RHOBTB1: variants seen among roughly 807,000 people sequenced by gnomAD.
RHOBTB1 encodes the protein rho-related BTB domain-containing protein 1.
RHOBTB1 carries 40 observed loss-of-function variants against 71.6 expected under a neutral mutation model. The ratio of observed to expected loss-of-function variants is 0.56; its 90% CI spans 0.43 to 0.73. RHOBTB1 has a LOEUF of 0.73. Ranked by LOEUF, RHOBTB1 falls within the 30% of genes least tolerant of loss-of-function variation. The probability of loss-of-function intolerance (pLI) is 0.00; values close to 1 mark genes in which losing one functional copy is unlikely to be tolerated. For missense variants in RHOBTB1, 797 were observed against 894.0 expected (o/e 0.89, Z 1.38); for synonymous variants, 319 against 334.9 (o/e 0.95, Z 0.52).
At chr10:60,970,962 G>A (rs564980677) in intron 2 of RHOBTB1, among the ~76,000 whole-genome samples, 9 of 151,850 alleles carry the variant, frequency 5.9e-5, no homozygotes, top group East Asian at 5.8e-4. Flanking sequence ...TTTTTATTTC[G>A]GTAAAACTTC....
intron 1 of RHOBTB1, among the ~76,000 whole-genome samples, chr10:60,993,342 C>T (rs556631497): frequency 6.6e-6 from 1 of 152,282 alleles, no homozygotes; most frequent in South Asian, 2.1e-4. Context: ...TACAAGGGCA[C>T]ATGCCAAAAA....
chr10:60,911,655 T>A, intron 2 of RHOBTB1, 103 bp from the exon 3 acceptor site: 2 of 869,466 alleles, frequency 2.3e-6, no homozygotes, highest in Non-Finnish European at 3.7e-6. Context: ...AGCCACTTCC[T>A]TGGAGGTGCA....
At chr10:60,910,654 C>T (rs1405863513) in intron 4 of RHOBTB1, among the ~76,000 whole-genome samples, 2 of 152,222 alleles carry the variant, frequency 1.3e-5, no homozygotes, top group East Asian at 1.9e-4. Flanking sequence ...AACCTTCCAG[C>T]TTGACCACTG....
intron 2 of RHOBTB1, among the ~76,000 whole-genome samples, chr10:60,980,332 G>A (rs530427498): frequency 1.3e-5 from 2 of 152,106 alleles, no homozygotes; most frequent in East Asian, 3.9e-4. Flanking sequence ...TGGACCAATT[G>A]GTAAGTTGAA....
At chr10:60,955,042 T>TC (rs2085538811) in intron 2 of RHOBTB1, among the ~76,000 whole-genome samples, 1 of 138,658 alleles carries the variant, frequency 7.2e-6, no homozygotes, top group Non-Finnish European at 1.6e-5. Context: ...TTTCTTTCTT[T>TC]CTTTTTTTTT....
intron 4 of RHOBTB1, among the ~76,000 whole-genome samples, chr10:60,900,345 C>T (rs962635380): frequency 5.3e-5 from 8 of 152,140 alleles, no homozygotes; most frequent in Non-Finnish European, 1.2e-4. Context: ...GAAGTGGCTG[C>T]ATTCTGTATA....
intron 2 of RHOBTB1, among the ~76,000 whole-genome samples, chr10:60,917,767 T>C (rs2083344243): frequency 6.6e-6 from 1 of 151,926 alleles, no homozygotes; most frequent in African/African-American, 2.4e-5. Flanking sequence ...GCACTATCTC[T>C]GTGCCTATAC....
At chr10:60,891,969 G>T (rs79366628) in intron 5 of RHOBTB1, among the ~76,000 whole-genome samples, 2 of 152,050 alleles carry the variant, frequency 1.3e-5, no homozygotes, top group African/African-American at 4.8e-5. Flanking sequence ...AAGGGCATCC[G>T]CCTTTGCTCG....
At position 60,874,999 on chromosome 10, in the gene RHOBTB1, G is replaced by C. The variant is rs146213407; in HGVS notation, c.1770C>G (p.Gly590=). The change falls in exon 9 of 11, where the codon GGC becomes GGG. Residue 590 remains glycine, a synonymous_variant. Transcript: ENST00000337910. ...AGAGCACTTCTCCGTCAATGCCCAC[G>C]CCACTCGTGGCGGCTTTGGTCAACT... ...VQELTKAATS[G]VGIDGEVLSY... 3.1e-6 allele frequency: 5 copies of C among 1,614,042 alleles called. No homozygotes were observed. Among genetic ancestry groups the C allele is most frequent in the Non-Finnish European group, 4.2e-6 (5 of 1,179,928 alleles).
chr10:60,978,913 A>T (rs2134771244), intron 2 of RHOBTB1, among the ~76,000 whole-genome samples: 2 of 152,238 alleles, frequency 1.3e-5, no homozygotes, highest in African/African-American at 4.8e-5. Flanking sequence ...ATTAATATAG[A>T]AATACCTCCT....
chr10:60,941,390 T>G (rs901107808), intron 2 of RHOBTB1, among the ~76,000 whole-genome samples: 21 of 152,036 alleles, frequency 1.4e-4, no homozygotes, highest in South Asian at 4.1e-4. Flanking sequence ...ACATAAAGAA[T>G]GCAGCACATT....
At chr10:60,905,552 A>G (rs1486178878) in intron 4 of RHOBTB1, among the ~76,000 whole-genome samples, 1 of 151,346 alleles carries the variant, frequency 6.6e-6, no homozygotes, top group Non-Finnish European at 1.5e-5. Context: ...TAACAGTGCC[A>G]TATTGTGTCT....
At chr10:60,867,244 C>G (rs902945625), downstream of RHOBTB1, among the ~76,000 whole-genome samples, 1 of 152,146 alleles carries the variant, frequency 6.6e-6, no homozygotes, top group Non-Finnish European at 1.5e-5. Flanking sequence ...ATCATCAAAT[C>G]AAAGGATATA....
At chr10:60,978,521 G>A (rs2086388201) in intron 2 of RHOBTB1, among the ~76,000 whole-genome samples, 1 of 152,098 alleles carries the variant, frequency 6.6e-6, no homozygotes, top group Admixed American at 6.5e-5. Context: ...GGGTATGTTG[G>A]GTCTCTGCGT....
At chr10:60,893,059 G>C (rs1564837532) in intron 4 of RHOBTB1, 64 bp from the exon 5 acceptor site, 3 of 1,271,182 alleles carry the variant, frequency 2.4e-6, no homozygotes, top group Non-Finnish European at 3.3e-6. Context: ...TTACCATTAT[G>C]GTTCCTCTCA....
chr10:60,950,299 TGA>T (rs760071925), intron 2 of RHOBTB1, among the ~76,000 whole-genome samples: 5 of 152,206 alleles, frequency 3.3e-5, no homozygotes, highest in Admixed American at 6.5e-5. Flanking sequence ...AATCTACATT[TGA>T]GAGAGAAATT....
rs199524926 is a variant in RHOBTB1 at position 60,875,048 on chromosome 10, G to A, written c.1727-6C>T. 8.2e-4 allele frequency: 1,322 copies of A among 1,612,326 alleles called. 16 individuals carry two copies. The South Asian group carries it at 0.014, about 17-fold the overall frequency. ...CTCCTGAACGGCATGCTGTTCTGGG[G>A]AAGAGAGAGGGGGCAGGAGAACATT... On this transcript the variant is annotated splice_polypyrimidine_tract_variant and splice_region_variant and intron_variant, in intron 8 of 10. Coordinates refer to ENST00000337910, the MANE Select transcript of RHOBTB1 (RefSeq NM_014836.5).
intron 2 of RHOBTB1, among the ~76,000 whole-genome samples, chr10:60,973,393 C>T (rs1014543899): frequency 7.2e-5 from 11 of 152,032 alleles, no homozygotes; most frequent in African/African-American, 1.9e-4. Flanking sequence ...AACTGTCCAT[C>T]GTCTTCTTTA....
downstream of RHOBTB1, among the ~76,000 whole-genome samples, chr10:60,866,844 T>A (rs1021274686): frequency 1.3e-5 from 2 of 152,124 alleles, no homozygotes; most frequent in African/African-American, 2.4e-5. Flanking sequence ...GTTAAACCAC[T>A]GTCATGAAGC....
Sources: gnomAD v4.1 joint callset for allele counts (sites outside exome capture counted in the v4.1 genomes callset) on GRCh38, gnomAD v4.1.1 for gene constraint, MANE v1.5 for transcripts, NCBI Gene and HGNC (gene_info 2026-07-23, HGNC 2026-07-21) for gene names.